Variants in FHL1 observed in about 807,000 individuals in gnomAD.
The protein encoded by FHL1 is four and a half LIM domains protein 1.
FHL1 carries 1 observed loss-of-function variant against 20.3 expected under a neutral mutation model. That is an observed-to-expected ratio of 0.05 (90% CI 0.02 to 0.23). The LOEUF is 0.23. FHL1 is among the 10% of genes least tolerant of loss of function. The pLI is 1.00. For missense variants in FHL1, 177 were observed against 234.0 expected, an observed-to-expected ratio of 0.76 and a Z score of 1.59; for synonymous variants, 82 against 88.9, an observed-to-expected ratio of 0.92 and a Z score of 0.44.
intron 4 of FHL1, among the ~76,000 whole-genome samples, chrX:136,208,168 G>A (rs1361057052): frequency 8.9e-6 from 1 of 112,195 alleles, no homozygotes; most frequent in African/African-American, 3.2e-5. Flanking sequence ...TCCTCAGCCT[G>A]GTGGTGCGGG....
At chrX:136,175,460 C>T (rs1028197196) in intron 2 of FHL1, among the ~76,000 whole-genome samples, 1 of 111,852 alleles carries the variant, frequency 8.9e-6, no homozygotes, top group East Asian at 2.8e-4. Flanking sequence ...AGTAATCATA[C>T]TTTGGGAAAT....
chrX:136,208,473 A>G lies in FHL1; in HGVS notation c.568A>G (p.Ile190Val). 1 of 1,211,761 alleles carries G rather than the reference A, an allele frequency of 8.3e-7. No homozygotes were observed. The highest frequency in any genetic ancestry group is 1.8e-5 in the South Asian group (1 of 56,971). ...KCNKAITSGG[I>V]TYQDQPWHAD... ...GGTCTAGGCCATCACATCTGGAGGA[A>G]TCACTTACCAGGATCAGCCCTGGCA... Residue 190 changes from isoleucine to valine, a missense_variant, in exon 5 of 6, where the codon ATC becomes GTC. Transcript: ENST00000370683.
At chrX:136,182,994 G>T (rs778903087) in intron 2 of FHL1, 2 of 109,767 alleles carry the variant, frequency 1.8e-5, no homozygotes, top group Non-Finnish European at 3.8e-5. Context: ...CTACTTGGGA[G>T]GCTGAGGCAG....
At chrX:136,159,974 G>C (rs752499032) in intron 1 of FHL1, among the ~76,000 whole-genome samples, 41 of 112,651 alleles carry the variant, frequency 3.6e-4, no homozygotes, top group African/African-American at 1.3e-3. Context: ...GCTTGTAGAA[G>C]CATAGGCCCA....
intron 3 of FHL1, 96 bp downstream of exon 3, chrX:136,207,286 G>A: frequency 1.2e-6 from 1 of 860,843 alleles, no homozygotes; most frequent in Non-Finnish European, 1.7e-6. Context: ...ACGTTGCTCT[G>A]AGCTGCTTTG....
chrX:136,176,009 G>A (rs2072993408), intron 2 of FHL1, among the ~76,000 whole-genome samples: 1 of 112,040 alleles, frequency 8.9e-6, no homozygotes, highest in African/African-American at 3.2e-5. Context: ...GCCTAAACAT[G>A]GGGTTCCAGT....
At chrX:136,209,104 G>C (rs1364210545) in intron 5 of FHL1, 1 of 522,580 alleles carries the variant, frequency 1.9e-6, no homozygotes, top group African/African-American at 2.4e-5. Context: ...TTGTTTTTGC[G>C]ATCAGCAAAG....
intron 1 of FHL1, among the ~76,000 whole-genome samples, chrX:136,155,384 T>G (rs1170920367): frequency 8.9e-6 from 1 of 112,151 alleles, no homozygotes; most frequent in Non-Finnish European, 1.9e-5. Context: ...ATTGACAGAA[T>G]AGGATTAAAC....
intron 1 of FHL1, among the ~76,000 whole-genome samples, chrX:136,200,503 T>C (rs1037717797): frequency 8.9e-6 from 1 of 111,898 alleles, no homozygotes; most frequent in Non-Finnish European, 1.9e-5. Context: ...ATGGACAAAA[T>C]AGAGGCTCAG....
chrX:136,207,946 C>T lies in FHL1; in HGVS notation c.534C>T (p.Cys178=), dbSNP rs377693754. 29 of 1,211,158 alleles carry T rather than the reference C, an allele frequency of 2.4e-5. No homozygotes were observed. The highest frequency in any genetic ancestry group is 3.0e-5 in the East Asian group (1 of 33,796). The change falls in exon 4 of 6, where the codon TGC becomes TGT. Residue 178 remains cysteine, a synonymous_variant. Coordinates refer to ENST00000370683, the MANE Select transcript of FHL1 (RefSeq NM_001159699.2). ...TCHETKFAKH[C]VKCNKAITSG... is the part of the protein sequence containing the mutation. ...ATGAGACCAAGTTTGCCAAGCATTG[C>T]GTGAAGTGCAACAAGGTATGCTTTC...
Position 136,211,188 on chromosome X carries a change from A to G in FHL1, c.*1163A>G, listed in dbSNP as rs2074004162. Reference sequence around the variant, plus strand: ...ACTGTATTCTACATTATTATATGACATAGTATAATGAGACAATATCAAAAG... The same window carrying G: ...ACTGTATTCTACATTATTATATGACGTAGTATAATGAGACAATATCAAAAG... On this transcript the variant is annotated 3_prime_UTR_variant, in exon 6 of 6. Transcript: ENST00000370683. 2.7e-6 allele frequency: 1 copy of G among 366,657 alleles called. No homozygotes were observed. The highest frequency in any genetic ancestry group is 5.2e-6 in the Non-Finnish European group (1 of 192,336). The allele number at this position is 366,657 out of a possible 1,213,427, so 30.2% of individuals were successfully genotyped here.
At chrX:136,193,576 C>T (rs1343698106), upstream of FHL1, among the ~76,000 whole-genome samples, 1 of 111,850 alleles carries the variant, frequency 8.9e-6, no homozygotes, top group Admixed American at 9.4e-5. Context: ...TACACCAGCT[C>T]TGCCTCCCAT....
intron 1 of FHL1, among the ~76,000 whole-genome samples, chrX:136,156,270 A>C (rs1274430640): frequency 9.1e-6 from 1 of 109,947 alleles, no homozygotes; most frequent in South Asian, 3.8e-4. Context: ...CAAGACATTA[A>C]ATGTTCTATA....
chrX:136,207,723 G>A, intron 3 of FHL1, 69 bp from the exon 4 acceptor site: 1 of 1,140,688 alleles, frequency 8.8e-7, no homozygotes, highest in Non-Finnish European at 1.2e-6. Context: ...GGCCTGGGGA[G>A]GGGAGCTGAG....
At chrX:136,149,190 T>A (rs183342431) in intron 1 of FHL1, among the ~76,000 whole-genome samples, 55 of 112,275 alleles carry the variant, frequency 4.9e-4, no homozygotes, top group African/African-American at 1.6e-3. Context: ...CAAGTTTAAA[T>A]TATGGGCCCC....
chrX:136,209,122 C>A (rs2073936456), intron 5 of FHL1: 1 of 613,539 alleles, frequency 1.6e-6, no homozygotes, highest in Non-Finnish European at 2.5e-6. Flanking sequence ...AAGCTAATCA[C>A]TTCATTCCTC....
chrX:136,171,392 T>C (rs1171021686), intron 2 of FHL1, among the ~76,000 whole-genome samples: 1 of 112,126 alleles, frequency 8.9e-6, no homozygotes, highest in East Asian at 2.8e-4. Flanking sequence ...GTGAACCCTA[T>C]TGAAAGAGCA....
chrX:136,194,172 C>T (rs1466101213), upstream of FHL1, among the ~76,000 whole-genome samples: 1 of 112,151 alleles, frequency 8.9e-6, no homozygotes, highest in Non-Finnish European at 1.9e-5. Context: ...GTCAGTAACA[C>T]TTTATACCTT....
intron 1 of FHL1, among the ~76,000 whole-genome samples, chrX:136,200,279 GCTTT>G (rs2073674862): frequency 8.9e-6 from 1 of 112,125 alleles, no homozygotes; most frequent in Non-Finnish European, 1.9e-5. Flanking sequence ...TAATAATGAT[GCTTT>G]CTGTCTTAGA....
Sources: allele counts gnomAD v4.1 joint callset (sites outside exome capture counted in the v4.1 genomes callset), GRCh38; gene constraint gnomAD v4.1.1; transcripts MANE v1.5; gene names NCBI Gene and HGNC (gene_info 2026-07-23, HGNC 2026-07-21).